SDK2: variants seen among roughly 807,000 people sequenced by gnomAD.
SDK2 encodes sidekick cell adhesion molecule 2, also known as protein sidekick-2.
In SDK2, 105 loss-of-function variants were observed where a neutral mutation model predicts 253.9. That is an observed-to-expected ratio of 0.41 (90% CI 0.35 to 0.49). The LOEUF (loss-of-function observed/expected upper bound fraction) is 0.49. Among genes scored for constraint, SDK2 ranks in the 20% least tolerant of loss-of-function variants. SDK2 has a pLI of 0.06. For synonymous variants in SDK2, 1,249 were observed against 1,234.9 expected, an observed-to-expected ratio of 1.01 and a Z score of -0.24; for missense variants, 2,608 against 3,003.0, an observed-to-expected ratio of 0.87 and a Z score of 3.07.
chr17:73,397,438 A>C (rs7406468), intron 24 of SDK2, among the ~76,000 whole-genome samples: 56,432 of 151,692 alleles, frequency 0.37, 11,204 homozygotes, highest in East Asian at 0.64. Flanking sequence ...ATACGGGAGA[A>C]CTTGGGCGAG....
At chr17:73,531,719 A>G (rs1409715662) in intron 1 of SDK2, among the ~76,000 whole-genome samples, 1 of 152,198 alleles carries the variant, frequency 6.6e-6, no homozygotes, top group East Asian at 1.9e-4. Flanking sequence ...ATACAGGATA[A>G]AATACTCCTC....
intron 1 of SDK2, among the ~76,000 whole-genome samples, chr17:73,537,600 G>A (rs1179620007): frequency 1.3e-5 from 2 of 151,984 alleles, no homozygotes; most frequent in Non-Finnish European, 1.5e-5. Flanking sequence ...GGAGGTTTGG[G>A]GGGATGAAGA....
At chr17:73,526,971 G>A (rs1411197480) in intron 1 of SDK2, among the ~76,000 whole-genome samples, 5 of 152,250 alleles carry the variant, frequency 3.3e-5, no homozygotes, top group Non-Finnish European at 5.9e-5. Flanking sequence ...ACAAAGAGGT[G>A]TAGACATGGC....
intron 2 of SDK2, among the ~76,000 whole-genome samples, chr17:73,472,672 A>C (rs1441292940): frequency 6.6e-6 from 1 of 152,236 alleles, no homozygotes; most frequent in African/African-American, 2.4e-5. Context: ...CCAAATGCTC[A>C]GTATCATTCC....
In SDK2 at chr17:73,472,990, C is replaced by T. The variant is rs188239700; in HGVS notation, c.225-772G>A. Among the ~76,000 whole-genome samples, 40 of 152,344 alleles carry T rather than the reference C, an allele frequency of 2.6e-4. No homozygotes were observed. In the East Asian group the frequency reaches 7.1e-3, roughly 27 times the overall value. On this transcript the variant is annotated intron_variant, in intron 2 of 44. Transcript: ENST00000392650. Reference sequence around the variant, plus strand: ...ATGGAACTGTGAGTCCATTAAACCTCTTTCTTTCGTAAATTGCCCAGTCTC... The same window carrying T: ...ATGGAACTGTGAGTCCATTAAACCTTTTTCTTTCGTAAATTGCCCAGTCTC...
intron 1 of SDK2, among the ~76,000 whole-genome samples, chr17:73,601,115 G>A (rs1205295574): frequency 1.3e-5 from 2 of 151,964 alleles, no homozygotes; most frequent in African/African-American, 4.8e-5. Flanking sequence ...CGCCTCCCAG[G>A]TTCAAACAAT....
chr17:73,381,784 A>G (rs1166386515), intron 33 of SDK2, among the ~76,000 whole-genome samples: 1 of 152,120 alleles, frequency 6.6e-6, no homozygotes, highest in Non-Finnish European at 1.5e-5. Context: ...GCACGCCTGT[A>G]GGTCCAGCTA....
chr17:73,404,751 T>A (rs2063057086), intron 18 of SDK2, among the ~76,000 whole-genome samples: 1 of 152,160 alleles, frequency 6.6e-6, no homozygotes. Flanking sequence ...AGTCTCAGGT[T>A]CTAAGTAGAC....
intron 1 of SDK2, among the ~76,000 whole-genome samples, chr17:73,600,152 G>A (rs548155437): frequency 3.3e-5 from 5 of 152,268 alleles, no homozygotes; most frequent in South Asian, 2.1e-4. Flanking sequence ...GCCTGAGCCC[G>A]GGGCAGACCC....
chr17:73,586,104 G>T (rs1273052617), intron 1 of SDK2, among the ~76,000 whole-genome samples: 1 of 152,110 alleles, frequency 6.6e-6, no homozygotes, highest in Admixed American at 6.5e-5. Flanking sequence ...ATGGGCTATT[G>T]TAGGGCTAAT....
At chr17:73,494,846 C>T (rs1290542279) in intron 2 of SDK2, among the ~76,000 whole-genome samples, 5 of 152,222 alleles carry the variant, frequency 3.3e-5, no homozygotes, top group Admixed American at 2.0e-4. Flanking sequence ...GGTGGGGGCA[C>T]GGGCTGCGTG....
chr17:73,430,017 T>C (rs950091084), intron 12 of SDK2, among the ~76,000 whole-genome samples: 1 of 152,174 alleles, frequency 6.6e-6, no homozygotes, highest in Admixed American at 6.5e-5. Context: ...TGTGCTTCTC[T>C]TGCAGGGTCC....
intron 18 of SDK2, among the ~76,000 whole-genome samples, chr17:73,414,255 G>A (rs2063162083): frequency 6.6e-6 from 1 of 151,974 alleles, no homozygotes; most frequent in Non-Finnish European, 1.5e-5. Context: ...TCACCATGTT[G>A]GCCAGGCTGG....
intron 44 of SDK2, among the ~76,000 whole-genome samples, chr17:73,342,579 C>CCT (rs1225606425): frequency 6.6e-6 from 1 of 152,188 alleles, no homozygotes; most frequent in Non-Finnish European, 1.5e-5. Flanking sequence ...TCGGTCTTTC[C>CCT]ACCCACTAAC....
In SDK2 at chr17:73,542,159, C is replaced by G. The variant is rs559811772; in HGVS notation, c.65-34562G>C. On this transcript the variant is annotated intron_variant, in intron 1 of 44. Coordinates refer to ENST00000392650, the MANE Select transcript of SDK2 (RefSeq NM_001144952.2). ...TCACAGTGCAGGCAGTGCGCTGGCCCCAAGTCCCTCTCTGGGGGCTGTGCC... is the reference window on the plus strand; with the variant it reads ...TCACAGTGCAGGCAGTGCGCTGGCCGCAAGTCCCTCTCTGGGGGCTGTGCC... Among the ~76,000 whole-genome samples, 14 of 152,360 alleles carry G rather than the reference C, an allele frequency of 9.2e-5. No individual in the cohort carries two copies. The East Asian group carries it at 2.5e-3, about 27-fold the overall frequency.
At chr17:73,497,580 C>T (rs939799097) in intron 2 of SDK2, among the ~76,000 whole-genome samples, 1 of 152,066 alleles carries the variant, frequency 6.6e-6, no homozygotes, top group Non-Finnish European at 1.5e-5. Flanking sequence ...TGCCCATCTT[C>T]CTCCCTCTCC....
chr17:73,551,785 C>G (rs544908233), intron 1 of SDK2, among the ~76,000 whole-genome samples: 30 of 152,226 alleles, frequency 2.0e-4, no homozygotes, highest in Admixed American at 1.7e-3. Flanking sequence ...CCCCTAAGGG[C>G]AGGGGGACCT....
At chr17:73,537,753 T>C (rs9890736) in intron 1 of SDK2, among the ~76,000 whole-genome samples, 108,429 of 152,126 alleles carry the variant, frequency 0.71, 39,721 homozygotes, top group African/African-American at 0.88. Context: ...AATCTGATGG[T>C]GCATCTCCCG....
intron 29 of SDK2, among the ~76,000 whole-genome samples, chr17:73,389,492 A>G (rs982856286): frequency 4.6e-5 from 7 of 151,792 alleles, no homozygotes; most frequent in Non-Finnish European, 7.4e-5. Flanking sequence ...CCTATAGCTA[A>G]TATTTCTATG....
Sources: gnomAD v4.1 joint callset for allele counts (sites outside exome capture counted in the v4.1 genomes callset) on GRCh38, gnomAD v4.1.1 for gene constraint, MANE v1.5 for transcripts, NCBI Gene and HGNC (gene_info 2026-07-23, HGNC 2026-07-21) for gene names.